The following NLGN1 variants were observed in gnomAD, a reference collection of about 807,000 sequenced individuals.
NLGN1 encodes neuroligin-1.
A neutral mutation model predicts 65.5 loss-of-function variants in NLGN1; 12 were observed. That is an observed-to-expected ratio of 0.18 (90% CI 0.12 to 0.30). The LOEUF is 0.30. Among genes scored for constraint, NLGN1 ranks in the 10% least tolerant of loss-of-function variants. The pLI is 1.00. For synonymous variants in NLGN1, 350 were observed against 359.5 expected (o/e 0.97, Z 0.30); for missense variants, 750 against 1,007.1 (o/e 0.74, Z 3.46).
At chr3:174,136,587 A>G (rs1443181349) in intron 4 of NLGN1, 1 of 152,128 alleles carries the variant, frequency 6.6e-6, no homozygotes, top group Admixed American at 6.5e-5. Flanking sequence ...AGAGGTAAGG[A>G]AGAGATATTG....
intron 4 of NLGN1, among the ~76,000 whole-genome samples, chr3:174,108,521 G>GA (rs138242939): frequency 0.058 from 8,729 of 151,610 alleles, 318 homozygotes; most frequent in African/African-American, 0.094. Context: ...AAGAGGTGAA[G>GA]AAAAAAAATT....
At chr3:174,091,923 A>G (rs1210092773) in intron 4 of NLGN1, among the ~76,000 whole-genome samples, 2 of 152,216 alleles carry the variant, frequency 1.3e-5, no homozygotes, top group Non-Finnish European at 2.9e-5. Flanking sequence ...AATCAAATCT[A>G]TTTTAAGAGT....
intron 4 of NLGN1, among the ~76,000 whole-genome samples, chr3:174,018,086 G>A (rs1410145679): frequency 6.6e-6 from 1 of 152,044 alleles, no homozygotes; most frequent in Non-Finnish European, 1.5e-5. Context: ...TCTTTCTCAG[G>A]GATGTCCCTT....
chr3:173,408,258 A>G (rs1460870356), intron 1 of NLGN1, among the ~76,000 whole-genome samples: 1 of 152,138 alleles, frequency 6.6e-6, no homozygotes, highest in African/African-American at 2.4e-5. Flanking sequence ...CAGTCCCTCC[A>G]GATTTGATGA....
chr3:173,866,567 T>G (rs890307369), intron 4 of NLGN1, among the ~76,000 whole-genome samples: 28 of 152,206 alleles, frequency 1.8e-4, no homozygotes, highest in African/African-American at 6.8e-4. Flanking sequence ...GAATTGAATT[T>G]TTCAAATTGA....
Position 174,279,419 on chromosome 3 carries a change from C to A in NLGN1, c.1418C>A (p.Ala473Glu). The A allele has an allele frequency of 6.2e-7, 1 of 1,613,246 alleles. No individual in the cohort carries two copies. The highest frequency in any genetic ancestry group is 1.1e-5 in the South Asian group (1 of 91,072). ...TGGGTGGCACCAGCTGTAGCCACAGCGGATCTTCACTCAAACTTTGGTTCA... is the reference window on the plus strand; with the variant it reads ...TGGGTGGCACCAGCTGTAGCCACAGAGGATCTTCACTCAAACTTTGGTTCA... Residue 473 changes from alanine to glutamate, a missense_variant, in exon 6 of 7, where the codon GCG (alanine) becomes GAG (glutamate). By Grantham distance (107) the Ala-to-Glu change is moderately radical. Coordinates refer to ENST00000457714, the Ensembl canonical transcript of NLGN1. This position sits in a 1 kb window ranked among gnomAD's most constrained non-coding sequence, Gnocchi z 4.7.
At chr3:173,438,019 T>C in intron 2 of NLGN1, among the ~76,000 whole-genome samples, 1 of 144,684 alleles carries the variant, frequency 6.9e-6, no homozygotes, top group Non-Finnish European at 1.5e-5. Context: ...TTTGTTACTT[T>C]GGATTTTTTT....
At chr3:173,488,814 C>A (rs1728587739) in intron 2 of NLGN1, among the ~76,000 whole-genome samples, 1 of 151,650 alleles carries the variant, frequency 6.6e-6, no homozygotes, top group African/African-American at 2.4e-5. Flanking sequence ...ATGAAAAAGT[C>A]TCAGTCATTG....
At chr3:173,661,183 A>G (rs1760875734) in intron 3 of NLGN1, among the ~76,000 whole-genome samples, 1 of 151,990 alleles carries the variant, frequency 6.6e-6, no homozygotes, top group African/African-American at 2.4e-5. Context: ...AAAGTAGAGT[A>G]GTGAGCGAGC....
chr3:173,955,779 C>T (rs938046697), intron 4 of NLGN1, among the ~76,000 whole-genome samples: 2 of 152,082 alleles, frequency 1.3e-5, no homozygotes, highest in African/African-American at 4.8e-5. Flanking sequence ...TCTTCTTTAA[C>T]TGCCAAGATG....
intron 4 of NLGN1, among the ~76,000 whole-genome samples, chr3:174,096,645 G>C (rs950145191): frequency 6.6e-6 from 1 of 152,058 alleles, no homozygotes; most frequent in African/African-American, 2.4e-5. Flanking sequence ...ATAAATTTTA[G>C]AAAACCAATT....
downstream of NLGN1, among the ~76,000 whole-genome samples, chr3:174,286,839 T>C (rs1752178598): frequency 1.3e-5 from 2 of 151,254 alleles, 1 homozygote; most frequent in South Asian, 4.2e-4. Context: ...ATTTAGAGAA[T>C]AGATTTGGGG....
chr3:173,941,150 C>T (rs1292067001), intron 4 of NLGN1, among the ~76,000 whole-genome samples: 1 of 152,074 alleles, frequency 6.6e-6, no homozygotes, highest in Non-Finnish European at 1.5e-5. Flanking sequence ...GATAGTTTTG[C>T]TTGCTGCTCC....
chr3:174,060,196 G>T (rs184649949), intron 4 of NLGN1, among the ~76,000 whole-genome samples: 13 of 152,110 alleles, frequency 8.5e-5, no homozygotes, highest in Admixed American at 8.5e-4. Context: ...AAAATTGGGG[G>T]TTCAGCTGAT....
chr3:173,443,129 C>T (rs1719510750), intron 2 of NLGN1, among the ~76,000 whole-genome samples: 1 of 151,656 alleles, frequency 6.6e-6, no homozygotes, highest in African/African-American at 2.4e-5. Flanking sequence ...ATCCCTACTA[C>T]TAGGAAGACT....
At chr3:173,997,780 C>T (rs1380578344) in intron 4 of NLGN1, among the ~76,000 whole-genome samples, 1 of 152,008 alleles carries the variant, frequency 6.6e-6, no homozygotes, top group East Asian at 1.9e-4. Context: ...TAAAAAATAT[C>T]CTTATTTATT....
chr3:173,824,788 T>C (rs1721004732), intron 4 of NLGN1, among the ~76,000 whole-genome samples: 1 of 152,122 alleles, frequency 6.6e-6, no homozygotes, highest in African/African-American at 2.4e-5. Context: ...GTTAAAATGC[T>C]CCGTATCTAT....
intron 1 of NLGN1, among the ~76,000 whole-genome samples, chr3:173,428,399 G>C (rs377420258): frequency 6.6e-6 from 1 of 150,834 alleles, no homozygotes; most frequent in East Asian, 1.9e-4. Flanking sequence ...TTTTTTTCTG[G>C]TAGTATGTTT....
intron 2 of NLGN1, among the ~76,000 whole-genome samples, chr3:173,585,247 A>G (rs954038291): frequency 6.6e-6 from 1 of 152,176 alleles, no homozygotes; most frequent in Non-Finnish European, 1.5e-5. Flanking sequence ...CAGCTCTCCA[A>G]GCTCTCAACT....
Sources: allele counts gnomAD v4.1 joint callset (sites outside exome capture counted in the v4.1 genomes callset), GRCh38; gene constraint gnomAD v4.1.1; non-coding constraint Gnocchi (gnomAD v3.1); transcripts MANE v1.5; gene names NCBI Gene and HGNC (gene_info 2026-07-23, HGNC 2026-07-21).